ARID3B: variants seen among roughly 807,000 people sequenced by gnomAD.
ARID3B encodes AT-rich interaction domain 3B, also known as AT-rich interactive domain-containing protein 3B.
In ARID3B, 10 loss-of-function variants were observed where a neutral mutation model predicts 51.9. The observed-to-expected ratio is 0.19, with a 90% CI of 0.12 to 0.33. The LOEUF (loss-of-function observed/expected upper bound fraction) is 0.33. ARID3B is among the 10% of genes least tolerant of loss of function. The pLI is 1.00. For missense variants in ARID3B, 483 were observed against 716.3 expected (o/e 0.67, Z 3.72); for synonymous variants, 205 against 279.5 (o/e 0.73, Z 2.66).
rs911336811 is a variant in ARID3B, at chr15:74,597,183, A to T, written c.*1409A>T. 2.8e-5 allele frequency: 8 copies of T among 284,148 alleles called. No homozygotes were observed. Among genetic ancestry groups the T allele is most frequent in the Non-Finnish European group, 4.0e-5 (6 of 149,074 alleles). 17.6% of individuals were successfully genotyped at this position (284,148 alleles called of 1,614,324 possible). ...CGCCCCAGGGTATGAGGAGATGAAT[A>T]ACTCCACAGCTCCTCCTGGACCCTG... On this transcript the variant is annotated 3_prime_UTR_variant, in exon 9 of 9. Coordinates refer to ENST00000346246, the MANE Select transcript of ARID3B (RefSeq NM_006465.4).
At chr15:74,584,490 CT>C (rs1295413755) in intron 4 of ARID3B, among the ~76,000 whole-genome samples, 1 of 152,226 alleles carries the variant, frequency 6.6e-6, no homozygotes, top group East Asian at 1.9e-4. Flanking sequence ...ACCCTGGGTC[CT>C]GGGCCCTCAC....
Position 74,544,330 on chromosome 15 carries a change from C to G in ARID3B, c.394C>G (p.Pro132Ala), listed in dbSNP as rs139406543. ...TGTGCAGAAAGTAGCTCGCCAAGAT[C>G]CCAGAGTGGCACCCATGTCCAATCT... ...FHVQKVARQD[P>A]RVAPMSNLLP... The change falls in exon 2 of 9, where the codon CCC (proline) becomes GCC (alanine). Residue 132 changes from proline to alanine, a missense_variant. This residue lies in a region of ARID3B where 182 missense variants were observed against 244.5 expected (regional missense o/e 0.74). Transcript: ENST00000346246. The G allele has an allele frequency of 7.0e-4, 1,127 of 1,611,960 alleles. 2 individuals are homozygous for G. In the African/African-American group the frequency reaches 0.013, roughly 18 times the overall value.
rs1180101993 is a variant in ARID3B, at chr15:74,543,900, G to A, written c.-37G>A. 1 of 1,581,432 alleles carries A rather than the reference G, an allele frequency of 6.3e-7. No homozygotes were observed. Among genetic ancestry groups the A allele is most frequent in the African/African-American group, 1.3e-5 (1 of 74,260 alleles). The stretch of plus-strand genomic sequence containing the variant: ...GCCTGGTGGGCTGTGCCCAGGTTCA[G>A]AGTCATGCCACTCTGTGGGTGAAGC... On this transcript the variant is annotated 5_prime_UTR_variant, in exon 2 of 9. Transcript: ENST00000346246.
intron 4 of ARID3B, among the ~76,000 whole-genome samples, chr15:74,581,709 C>T (rs2061762436): frequency 6.6e-6 from 1 of 152,178 alleles, no homozygotes; most frequent in Non-Finnish European, 1.5e-5. Context: ...GGAAGGGAGT[C>T]TGGTTTTTGA....
chr15:74,558,480 C>T (rs932332703), intron 2 of ARID3B, among the ~76,000 whole-genome samples: 12 of 151,706 alleles, frequency 7.9e-5, no homozygotes, highest in Non-Finnish European at 1.3e-4. Flanking sequence ...TCTATTCCTT[C>T]AGCTCTTTGA....
chr15:74,553,856 T>C (rs2061646811), intron 2 of ARID3B, among the ~76,000 whole-genome samples: 2 of 151,898 alleles, frequency 1.3e-5, no homozygotes, highest in Non-Finnish European at 1.5e-5. Context: ...AGAGTTTCGC[T>C]CTTGTTGCCC....
At chr15:74,543,594 G>T (rs1030381053) in intron 1 of ARID3B, among the ~76,000 whole-genome samples, 2 of 151,974 alleles carry the variant, frequency 1.3e-5, no homozygotes, top group Non-Finnish European at 2.9e-5. Flanking sequence ...CTAGATATTG[G>T]CTGGATGTAC....
intron 8 of ARID3B, among the ~76,000 whole-genome samples, chr15:74,594,124 G>A (rs923205699): frequency 3.3e-5 from 5 of 151,622 alleles, no homozygotes; most frequent in Admixed American, 2.6e-4. Flanking sequence ...GTTTACGGAC[G>A]AGCTTGGGAA....
In ARID3B at chr15:74,544,979, C is replaced by T. The variant is rs193217248; in HGVS notation, c.552+491C>T. Among the ~76,000 whole-genome samples the T allele has an allele frequency of 5.8e-4, 89 of 152,252 alleles. 1 individual carries two copies. The highest frequency in any genetic ancestry group is 4.6e-3 in the Admixed American group (70 of 15,294). The stretch of plus-strand genomic sequence containing the variant: ...TGTTGGGATTACAGGCATGAGCCAC[C>T]GCCCCTGGCCTGTATGTTACTCTTA... On this transcript the variant is annotated intron_variant, in intron 2 of 8. Transcript: ENST00000346246.
intron 2 of ARID3B, among the ~76,000 whole-genome samples, chr15:74,546,353 G>T (rs752875562): frequency 1.3e-5 from 2 of 152,206 alleles, no homozygotes; most frequent in Non-Finnish European, 2.9e-5. Context: ...GGCCCGAGGC[G>T]GCTGGGCTGC....
chr15:74,587,651 G>C (rs1379025144), intron 4 of ARID3B, among the ~76,000 whole-genome samples: 1 of 152,136 alleles, frequency 6.6e-6, no homozygotes, highest in Non-Finnish European at 1.5e-5. Flanking sequence ...GGAAGGTGTG[G>C]ACTCAAGGCC....
At chr15:74,545,398 C>T (rs1265238320) in intron 2 of ARID3B, among the ~76,000 whole-genome samples, 3 of 152,198 alleles carry the variant, frequency 2.0e-5, no homozygotes, top group African/African-American at 7.2e-5. Context: ...TTCCAAATGG[C>T]TGAGTATCAG....
intron 8 of ARID3B, among the ~76,000 whole-genome samples, chr15:74,593,817 GACC>G (rs1404800119): frequency 1.1e-4 from 16 of 151,950 alleles, no homozygotes; most frequent in Admixed American, 1.0e-3. Flanking sequence ...GAGGCAAGAG[GACC>G]ACTTGAGCCC....
At chr15:74,556,328 A>C (rs2061657447) in intron 2 of ARID3B, among the ~76,000 whole-genome samples, 1 of 152,192 alleles carries the variant, frequency 6.6e-6, no homozygotes, top group Non-Finnish European at 1.5e-5. Context: ...TACAACATTT[A>C]TCAGTGAAGT....
At chr15:74,580,341 A>G (rs1567124481) in intron 4 of ARID3B, among the ~76,000 whole-genome samples, 1 of 152,086 alleles carries the variant, frequency 6.6e-6, no homozygotes, top group African/African-American at 2.4e-5. Flanking sequence ...AAGGGGAGGG[A>G]CTAATTTCTA....
intron 2 of ARID3B, among the ~76,000 whole-genome samples, chr15:74,558,115 C>T (rs1404440572): frequency 1.3e-5 from 2 of 151,588 alleles, no homozygotes; most frequent in Non-Finnish European, 2.9e-5. Context: ...GCCACGCGCC[C>T]GGCCTTTCAA....
chr15:74,562,847 TTA>T (rs1041712450), intron 2 of ARID3B, among the ~76,000 whole-genome samples: 1 of 152,254 alleles, frequency 6.6e-6, no homozygotes, highest in Non-Finnish European at 1.5e-5. Context: ...TTTGCTAATT[TTA>T]CATATGAATC....
At position 74,595,602 on chromosome 15, in the gene ARID3B, C is replaced by T. The variant is rs779926491; in HGVS notation, c.1520-9C>T. On this transcript the variant is annotated splice_polypyrimidine_tract_variant and intron_variant, in intron 8 of 8. Transcript: ENST00000346246. ...TCTGCCCACACTTGCTTCTCTTCCA[C>T]CCACCAAGGTGTGCTGTTTGCCCAG... 6.2e-7 allele frequency: 1 copy of T among 1,611,066 alleles called. No individual in the cohort carries two copies. The highest frequency in any genetic ancestry group is 2.2e-5 in the East Asian group (1 of 44,828).
At chr15:74,583,050 A>T (rs973809590) in intron 4 of ARID3B, among the ~76,000 whole-genome samples, 12 of 150,668 alleles carry the variant, frequency 8.0e-5, no homozygotes, top group Non-Finnish European at 1.6e-4. Flanking sequence ...AAAAAAAAAA[A>T]TTAGCTGGAT....
Sources: gnomAD v4.1 joint callset for allele counts (sites outside exome capture counted in the v4.1 genomes callset) on GRCh38, gnomAD v4.1.1 for gene constraint, gnomAD v4.1.1 regional missense constraint, MANE v1.5 for transcripts, NCBI Gene and HGNC (gene_info 2026-07-23, HGNC 2026-07-21) for gene names.